MCTP1: variants seen among roughly 807,000 people sequenced by gnomAD.
MCTP1 encodes multiple C2 and transmembrane domain-containing protein 1.
In MCTP1, 69 loss-of-function variants were observed where a neutral mutation model predicts 120.6. That is an observed-to-expected ratio of 0.57 (90% CI 0.47 to 0.70). The LOEUF (loss-of-function observed/expected upper bound fraction) is 0.70, where lower values mean the gene tolerates loss of function less well. Among genes scored for constraint, MCTP1 ranks in the 30% least tolerant of loss-of-function variants. The probability of loss-of-function intolerance (pLI) is 0.00; values close to 1 mark genes in which losing one functional copy is unlikely to be tolerated. For missense variants in MCTP1, 1,203 were observed against 1,248.8 expected, an observed-to-expected ratio of 0.96 and a Z score of 0.55; for synonymous variants, 529 against 493.1, an observed-to-expected ratio of 1.07 and a Z score of -0.96.
intron 19 of MCTP1, among the ~76,000 whole-genome samples, chr5:94,736,682 T>C (rs1045226098): frequency 3.3e-5 from 5 of 152,164 alleles, no homozygotes; most frequent in African/African-American, 1.2e-4. Context: ...TGCATGCATA[T>C]TTTAAATGAG....
intron 12 of MCTP1, among the ~76,000 whole-genome samples, chr5:94,885,178 C>T (rs1424045970): frequency 6.6e-6 from 1 of 151,728 alleles, no homozygotes; most frequent in East Asian, 1.9e-4. Context: ...ATTAGTGTAC[C>T]TTTCAGTACA....
intron 1 of MCTP1, among the ~76,000 whole-genome samples, chr5:95,115,995 G>GA (rs144558279): frequency 4.0e-4 from 57 of 143,522 alleles, no homozygotes; most frequent in South Asian, 8.8e-4. Flanking sequence ...AGTGCTAAAG[G>GA]AAAAAAAAAA....
intron 10 of MCTP1, among the ~76,000 whole-genome samples, chr5:94,906,195 G>A (rs1327315683): frequency 6.6e-6 from 1 of 152,122 alleles, no homozygotes; most frequent in African/African-American, 2.4e-5. Context: ...AGTAAGAATG[G>A]AAGTGGGGGC....
chr5:94,917,235 C>T (rs566380304), intron 8 of MCTP1, among the ~76,000 whole-genome samples: 1 of 152,248 alleles, frequency 6.6e-6, no homozygotes, highest in Admixed American at 6.5e-5. Flanking sequence ...AGGTATCACT[C>T]AATAAAATTT....
intron 2 of MCTP1, chr5:94,979,239 C>G (rs1409526899): frequency 6.6e-6 from 1 of 152,106 alleles, no homozygotes; most frequent in Non-Finnish European, 1.5e-5. Context: ...AGAATTTATA[C>G]TGACAAGTAA....
At chr5:94,992,782 C>T (rs1343491911) in intron 2 of MCTP1, among the ~76,000 whole-genome samples, 1 of 45,510 alleles carries the variant, frequency 2.2e-5, no homozygotes, top group Non-Finnish European at 8.4e-5. Flanking sequence ...GCCCCCATCC[C>T]TTCCCCATCT....
At chr5:95,247,338 A>G in intron 1 of MCTP1, among the ~76,000 whole-genome samples, 1 of 152,068 alleles carries the variant, frequency 6.6e-6, no homozygotes, top group Admixed American at 6.6e-5. Flanking sequence ...TTTTCAAAAA[A>G]CCAGCTCCTG....
At chr5:95,141,322 C>T (rs942307325) in intron 1 of MCTP1, among the ~76,000 whole-genome samples, 4 of 152,168 alleles carry the variant, frequency 2.6e-5, no homozygotes, top group African/African-American at 7.2e-5. Context: ...TTGCCACGGG[C>T]GTATGCTGGT....
chr5:95,215,118 G>GTCCA (rs1291065268), intron 1 of MCTP1, among the ~76,000 whole-genome samples: 4 of 152,130 alleles, frequency 2.6e-5, no homozygotes, highest in Admixed American at 1.3e-4. Context: ...CCATGATCAC[G>GTCCA]TCCATCTTGG....
intron 1 of MCTP1, among the ~76,000 whole-genome samples, chr5:95,179,042 G>GAA: frequency 6.6e-6 from 1 of 152,218 alleles, no homozygotes; most frequent in South Asian, 2.1e-4. Context: ...GCATTGGAAA[G>GAA]TCTCAGTAAT....
chr5:94,919,078 T>C (rs1447243865), intron 7 of MCTP1, among the ~76,000 whole-genome samples: 3 of 152,222 alleles, frequency 2.0e-5, no homozygotes, highest in African/African-American at 7.2e-5. Context: ...ATACTTTGCC[T>C]GTCACTTAGG....
chr5:95,189,283 A>G (rs1439485460), intron 1 of MCTP1, among the ~76,000 whole-genome samples: 1 of 152,188 alleles, frequency 6.6e-6, no homozygotes, highest in Non-Finnish European at 1.5e-5. Flanking sequence ...GAGTTGGTGA[A>G]AGGGAGGAGT....
intron 15 of MCTP1, 120 bp downstream of exon 15, chr5:94,870,752 C>G: frequency 1.3e-6 from 1 of 782,472 alleles, no homozygotes; most frequent in Non-Finnish European, 2.2e-6. Flanking sequence ...GCGTATTCTC[C>G]AGGACACATG....
At chr5:94,899,608 T>C (rs999865581) in intron 10 of MCTP1, among the ~76,000 whole-genome samples, 1 of 152,236 alleles carries the variant, frequency 6.6e-6, no homozygotes, top group Non-Finnish European at 1.5e-5. Context: ...CATGAAACAA[T>C]GCAGAAGTTA....
chr5:94,875,580 G>C (rs1473009479), intron 12 of MCTP1, among the ~76,000 whole-genome samples: 1 of 152,008 alleles, frequency 6.6e-6, no homozygotes, highest in African/African-American at 2.4e-5. Context: ...AGGAAGAAGA[G>C]TTAGGAGGCA....
intron 4 of MCTP1, among the ~76,000 whole-genome samples, chr5:94,940,865 ATTG>A (rs1817549592): frequency 6.6e-6 from 1 of 151,644 alleles, no homozygotes; most frequent in Non-Finnish European, 1.5e-5. Flanking sequence ...TATGGCTACA[ATTG>A]TTATCACTTT....
intron 1 of MCTP1, among the ~76,000 whole-genome samples, chr5:95,023,617 G>A (rs1838627154): frequency 6.6e-6 from 1 of 152,176 alleles, no homozygotes; most frequent in Non-Finnish European, 1.5e-5. Context: ...AACTTTAGTG[G>A]ATCTAGAGAG....
intron 2 of MCTP1, among the ~76,000 whole-genome samples, chr5:94,992,912 A>G (rs1172074668): frequency 6.6e-6 from 1 of 152,204 alleles, no homozygotes; most frequent in African/African-American, 2.4e-5. Context: ...CTTTTCTTCT[A>G]TGACAGACTG....
intron 1 of MCTP1, among the ~76,000 whole-genome samples, chr5:95,252,634 T>G (rs909335966): frequency 3.3e-5 from 5 of 152,178 alleles, no homozygotes; most frequent in African/African-American, 1.2e-4. Context: ...GATCTGAACC[T>G]ACACAGTCTG....
Sources: gnomAD v4.1 joint callset for allele counts (sites outside exome capture counted in the v4.1 genomes callset) on GRCh38, gnomAD v4.1.1 for gene constraint, MANE v1.5 for transcripts, NCBI Gene and HGNC (gene_info 2026-07-23, HGNC 2026-07-21) for gene names.